The following ADAM12 variants were observed in gnomAD, a reference collection of about 807,000 sequenced individuals.
The protein encoded by ADAM12 is ADAM metallopeptidase domain 12, also known as disintegrin and metalloproteinase domain-containing protein 12.
Under a neutral mutation model 106.4 loss-of-function variants are expected in ADAM12, and 70 were observed. That is an observed-to-expected ratio of 0.66 (90% CI 0.54 to 0.80). ADAM12 has a LOEUF of 0.80. Ranked by LOEUF, ADAM12 falls within the 30% of genes least tolerant of loss-of-function variation. The pLI, the probability that ADAM12 is intolerant of heterozygous loss-of-function variation, is 0.00. For missense variants in ADAM12, 1,010 were observed against 1,171.9 expected, an observed-to-expected ratio of 0.86 and a Z score of 2.02; for synonymous variants, 420 against 433.5, an observed-to-expected ratio of 0.97 and a Z score of 0.39.
At chr10:126,108,500 C>A (rs1242620277) in intron 8 of ADAM12, 93 bp downstream of exon 8, 1 of 1,159,666 alleles carries the variant, frequency 8.6e-7, no homozygotes, top group African/African-American at 1.5e-5. Context: ...AGAGGCAGAA[C>A]CTCATCTCCT....
chr10:126,044,279 A>T (rs979678538), intron 17 of ADAM12, among the ~76,000 whole-genome samples: 24 of 80,054 alleles, frequency 3.0e-4, no homozygotes, highest in African/African-American at 7.0e-4. Flanking sequence ...TTATAAAGAT[A>T]AAAAAAAAAA....
intron 3 of ADAM12, among the ~76,000 whole-genome samples, chr10:126,207,976 T>G (rs997717991): frequency 6.6e-6 from 1 of 152,252 alleles, no homozygotes; most frequent in Admixed American, 6.5e-5. Context: ...CTGTAATTTT[T>G]TTCTGATAAT....
intron 1 of ADAM12, among the ~76,000 whole-genome samples, chr10:126,361,618 C>T (rs1175079867): frequency 6.6e-6 from 1 of 151,996 alleles, no homozygotes; most frequent in African/African-American, 2.4e-5. Flanking sequence ...AACAGAGAGC[C>T]CAGAAATGAA....
intron 3 of ADAM12, among the ~76,000 whole-genome samples, chr10:126,188,802 C>T (rs986947396): frequency 1.3e-5 from 2 of 152,104 alleles, no homozygotes; most frequent in Non-Finnish European, 2.9e-5. Flanking sequence ...TTTCATCCAT[C>T]CATCCCCCAT....
intron 21 of ADAM12, among the ~76,000 whole-genome samples, chr10:126,026,749 A>T (rs1260935400): frequency 6.6e-6 from 1 of 152,256 alleles, no homozygotes; most frequent in Non-Finnish European, 1.5e-5. Context: ...ACATACCAGA[A>T]TCTCTGAGAA....
At position 126,186,159 on chromosome 10, in the gene ADAM12, T is replaced by A. The variant is rs185189231; in HGVS notation, c.261-30854A>T. On this transcript the variant is annotated intron_variant, in intron 3 of 22. Transcript: ENST00000448723. Reference sequence around the variant, plus strand: ...CTTCAGAAAACCCATCTCTGTGTCTTCCTTGACTGCTACCTTCTAACTGGA... The same window carrying A: ...CTTCAGAAAACCCATCTCTGTGTCTACCTTGACTGCTACCTTCTAACTGGA... 3.3e-4 allele frequency among the ~76,000 whole-genome samples: 50 copies of A among 152,230 alleles called. 1 individual carries two copies. The highest frequency in any genetic ancestry group is 1.8e-3 in the Admixed American group (27 of 15,296).
At chr10:126,135,035 C>T (rs1406102704) in intron 5 of ADAM12, among the ~76,000 whole-genome samples, 5 of 152,220 alleles carry the variant, frequency 3.3e-5, no homozygotes. Flanking sequence ...GTGAGTAACA[C>T]CTGGGGTTGA....
rs1015399504 is a variant in ADAM12 at position 126,071,486 on chromosome 10, C to T, written c.1314G>A (p.Gly438=). 1.4e-5 allele frequency: 22 copies of T among 1,613,856 alleles called. No homozygotes were observed. The highest frequency in any genetic ancestry group is 1.7e-5 in the Admixed American group (1 of 59,988). ...TGGGAATGGTTCTTACCTCTGGCTC[C>T]CCACAGTCACACTCCTCTCCTTCTT... is the stretch of plus-strand genomic sequence containing the variant. ...FVEEGEECDC[G]EPEECMNRCC... is the part of the protein sequence containing the mutation. The change falls in exon 12 of 23, where the codon GGG becomes GGA. Residue 438 remains glycine, a synonymous_variant. Coordinates refer to ENST00000448723, the MANE Select transcript of ADAM12 (RefSeq NM_001288973.2).
At chr10:126,032,776 T>C (rs902591313) in intron 21 of ADAM12, among the ~76,000 whole-genome samples, 1 of 152,172 alleles carries the variant, frequency 6.6e-6, no homozygotes, top group Non-Finnish European at 1.5e-5. Context: ...CAGAAAAGTT[T>C]AGGGCATGCT....
At chr10:126,134,142 G>A (rs926127981) in intron 5 of ADAM12, among the ~76,000 whole-genome samples, 2 of 152,140 alleles carry the variant, frequency 1.3e-5, no homozygotes, top group African/African-American at 4.8e-5. Context: ...AAACCACAAG[G>A]CACCTCCTTC....
chr10:126,348,677 T>C (rs1469113095), intron 1 of ADAM12, among the ~76,000 whole-genome samples: 1 of 152,198 alleles, frequency 6.6e-6, no homozygotes, highest in Non-Finnish European at 1.5e-5. Context: ...CTGTGCCACG[T>C]GGACTTGCAA....
At chr10:126,192,782 T>C (rs1430240731) in intron 3 of ADAM12, among the ~76,000 whole-genome samples, 1 of 152,226 alleles carries the variant, frequency 6.6e-6, no homozygotes, top group Non-Finnish European at 1.5e-5. Context: ...TTTTGAAAGA[T>C]ATGCCAAAGA....
At chr10:126,307,073 T>A (rs923665739) in intron 2 of ADAM12, among the ~76,000 whole-genome samples, 2 of 152,212 alleles carry the variant, frequency 1.3e-5, no homozygotes, top group African/African-American at 4.8e-5. Flanking sequence ...CTGTGTTTCA[T>A]GTCTATTGAT....
At chr10:126,335,443 A>C (rs923111099) in intron 1 of ADAM12, among the ~76,000 whole-genome samples, 1 of 152,240 alleles carries the variant, frequency 6.6e-6, no homozygotes, top group Non-Finnish European at 1.5e-5. Flanking sequence ...GCCAGGGACA[A>C]GGCTTCGGAA....
intron 3 of ADAM12, among the ~76,000 whole-genome samples, chr10:126,233,147 G>A (rs2133628662): frequency 6.6e-6 from 1 of 152,298 alleles, no homozygotes; most frequent in African/African-American, 2.4e-5. Flanking sequence ...GGGAGTTCAA[G>A]GATGGGTCCC....
At chr10:126,328,718 C>T (rs565410474) in intron 2 of ADAM12, among the ~76,000 whole-genome samples, 12 of 152,348 alleles carry the variant, frequency 7.9e-5, no homozygotes, top group East Asian at 7.7e-4. Flanking sequence ...CCCTACATAA[C>T]GTCACTAACC....
chr10:126,320,461 A>C (rs1039053159), intron 2 of ADAM12, among the ~76,000 whole-genome samples: 1 of 152,236 alleles, frequency 6.6e-6, no homozygotes, highest in Non-Finnish European at 1.5e-5. Context: ...TTTTAGGGAA[A>C]GAATAGGAGG....
chr10:126,175,805 C>T (rs1044148428), intron 3 of ADAM12, among the ~76,000 whole-genome samples: 6 of 152,218 alleles, frequency 3.9e-5, no homozygotes, highest in African/African-American at 1.4e-4. Context: ...GCCCTGCAAG[C>T]TGCTCTTGGA....
chr10:126,216,388 G>A (rs143792617), intron 3 of ADAM12, among the ~76,000 whole-genome samples: 2 of 152,314 alleles, frequency 1.3e-5, no homozygotes, highest in African/African-American at 4.8e-5. Flanking sequence ...CAAACTCCAG[G>A]CAGGCACAAG....
Sources: allele counts gnomAD v4.1 joint callset (sites outside exome capture counted in the v4.1 genomes callset), GRCh38; gene constraint gnomAD v4.1.1; transcripts MANE v1.5; gene names NCBI Gene and HGNC (gene_info 2026-07-23, HGNC 2026-07-21).